Variants in NAP1L1 observed in about 807,000 individuals in gnomAD.
The protein encoded by NAP1L1 is nucleosome assembly protein 1 like 1.
Under a neutral mutation model 58.9 loss-of-function variants are expected in NAP1L1, and 9 were observed. The ratio of observed to expected loss-of-function variants is 0.15; its 90% CI spans 0.09 to 0.27. The LOEUF (loss-of-function observed/expected upper bound fraction) is 0.27, where lower values mean the gene tolerates loss of function less well. NAP1L1 is among the 10% of genes least tolerant of loss of function. NAP1L1 has a pLI of 1.00. For missense variants in NAP1L1, 302 were observed against 458.8 expected, an observed-to-expected ratio of 0.66 and a Z score of 3.12; for synonymous variants, 130 against 138.3, an observed-to-expected ratio of 0.94 and a Z score of 0.42.
intron 1 of NAP1L1, among the ~76,000 whole-genome samples, chr12:76,077,920 C>T (rs1319904581): frequency 1.5e-5 from 2 of 136,916 alleles, no homozygotes; most frequent in African/African-American, 5.5e-5. Flanking sequence ...GAGGAGGAGG[C>T]TGCAGTGAGC....
chr12:76,073,001 G>T (rs559157118), intron 2 of NAP1L1, among the ~76,000 whole-genome samples: 2 of 152,174 alleles, frequency 1.3e-5, no homozygotes, highest in Non-Finnish European at 2.9e-5. Context: ...TAGTAAAATA[G>T]ATCCAATGAC....
At chr12:76,074,424 C>T (rs1019082601) in intron 1 of NAP1L1, 185 bp from the exon 2 acceptor site, 210 of 914,030 alleles carry the variant, frequency 2.3e-4, no homozygotes, top group Non-Finnish European at 2.7e-4. Context: ...CTTACTAGTA[C>T]CAAAAATAAT....
intron 13 of NAP1L1, 55 bp from the exon 14 acceptor site, chr12:76,049,305 C>G: frequency 6.2e-7 from 1 of 1,611,172 alleles, no homozygotes; most frequent in Non-Finnish European, 8.5e-7. Context: ...GGTAAACTGG[C>G]TCATAATGTA....
At chr12:76,067,649 T>G (rs1949744285) in intron 3 of NAP1L1, 176 bp from the exon 4 acceptor site, 1 of 495,262 alleles carries the variant, frequency 2.0e-6, no homozygotes, top group South Asian at 3.3e-5. Flanking sequence ...AAACCCAATG[T>G]TCAGGAATAA....
rs1271368951 is a variant in NAP1L1 at position 76,059,954 on chromosome 12, A to C, written c.349-76T>G. The C allele has an allele frequency of 3.1e-6, 4 of 1,298,352 alleles. No homozygotes were observed. In the African/African-American group the frequency reaches 4.5e-5, roughly 15 times the overall value. 80.4% of individuals were successfully genotyped at this position (1,298,352 alleles called of 1,614,324 possible). ...TAAAACCAGTGGTTTCTCACTAAGA[A>C]GTCTTACAAATTTAACAAATGCATA... On this transcript the variant is annotated intron_variant, in intron 5 of 14. Transcript: ENST00000618691.
chr12:76,052,190 C>T (rs7974211), intron 11 of NAP1L1, among the ~76,000 whole-genome samples: 31 of 151,976 alleles, frequency 2.0e-4, no homozygotes, highest in African/African-American at 7.3e-4. Flanking sequence ...GGAATTCAAA[C>T]CACAGGTGGA....
intron 1 of NAP1L1, among the ~76,000 whole-genome samples, chr12:76,079,589 G>A (rs1268776598): frequency 2.0e-5 from 3 of 151,706 alleles, no homozygotes. Context: ...AAAACATTAA[G>A]ATAAAAAGGT....
intron 2 of NAP1L1, 46 bp from the exon 3 acceptor site, chr12:76,069,040 CA>C (rs777692378): frequency 1.1e-5 from 15 of 1,342,632 alleles, no homozygotes; most frequent in South Asian, 5.1e-5. Flanking sequence ...TACCAATTAC[CA>C]AAAAAAGTTA....
chr12:76,067,151 T>C (rs1949716215), intron 4 of NAP1L1, among the ~76,000 whole-genome samples: 1 of 152,096 alleles, frequency 6.6e-6, no homozygotes, highest in Admixed American at 6.6e-5. Context: ...TCAAGATCAG[T>C]ACACTTCCTA....
At chr12:76,058,387 C>CTT (rs34510500) in intron 6 of NAP1L1, among the ~76,000 whole-genome samples, 5 of 133,192 alleles carry the variant, frequency 3.8e-5, no homozygotes, top group Non-Finnish European at 6.5e-5. Context: ...TTATTTGGTA[C>CTT]TTTTTTTTTT....
At position 76,048,379 on chromosome 12, in the gene NAP1L1, G is replaced by A. The variant is rs1182260656; in HGVS notation, c.*50C>T. On this transcript the variant is annotated 3_prime_UTR_variant, in exon 15 of 15. Coordinates refer to ENST00000618691, the MANE Select transcript of NAP1L1 (RefSeq NM_004537.7). ...AAGGCTGTAAGTAAATAAGAGTTGT[G>A]TTTAGGCTATTACAGTGCAGGTTAT... is the stretch of plus-strand genomic sequence containing the variant. 9 of 1,595,852 alleles carry A rather than the reference G, an allele frequency of 5.6e-6. No homozygotes were observed. Among genetic ancestry groups the A allele is most frequent in the Non-Finnish European group, 6.9e-6 (8 of 1,166,280 alleles).
chr12:76,077,136 C>T (rs1273394517), intron 1 of NAP1L1, among the ~76,000 whole-genome samples: 2 of 152,192 alleles, frequency 1.3e-5, no homozygotes, highest in East Asian at 3.8e-4. Flanking sequence ...AATGGCTACA[C>T]TGCTAACCTC....
At chr12:76,059,948 C>A in intron 5 of NAP1L1, 70 bp from the exon 6 acceptor site, 1 of 1,320,584 alleles carries the variant, frequency 7.6e-7, no homozygotes, top group Non-Finnish European at 1.1e-6. Flanking sequence ...TGGTTTCTCA[C>A]TAAGAAGTCT....
chr12:76,064,982 C>T (rs1259196950), intron 4 of NAP1L1, among the ~76,000 whole-genome samples: 1 of 152,044 alleles, frequency 6.6e-6, no homozygotes, highest in African/African-American at 2.4e-5. Context: ...ACTCCAAAAA[C>T]CAGTTAAATA....
chr12:76,070,395 AC>A (rs1339233992), intron 2 of NAP1L1, among the ~76,000 whole-genome samples: 2 of 152,218 alleles, frequency 1.3e-5, no homozygotes, highest in African/African-American at 4.8e-5. Context: ...GGCATAAGCC[AC>A]CACGCCCAGC....
At chr12:76,049,576 A>T in intron 13 of NAP1L1, 180 bp downstream of exon 13, 1 of 1,528,350 alleles carries the variant, frequency 6.5e-7, no homozygotes, top group Non-Finnish European at 8.8e-7. Flanking sequence ...TGAGTTTTGC[A>T]ATTTATTTAT....
At chr12:76,062,452 C>T (rs189065539) in intron 4 of NAP1L1, among the ~76,000 whole-genome samples, 1 of 152,048 alleles carries the variant, frequency 6.6e-6, no homozygotes, top group Non-Finnish European at 1.5e-5. Context: ...TTCAAGGGTA[C>T]AATTTCTATG....
intron 4 of NAP1L1, among the ~76,000 whole-genome samples, chr12:76,061,768 A>C (rs890137879): frequency 3.3e-5 from 5 of 152,246 alleles, no homozygotes; most frequent in African/African-American, 7.2e-5. Flanking sequence ...CAGTTTACTT[A>C]AGATTATTAG....
At position 76,044,607 on chromosome 12, in the gene NAP1L1, C is replaced by CA. The variant is rs566670249; in HGVS notation, c.*3821dup. 8 of 152,214 alleles carry CA rather than the reference C, an allele frequency of 5.3e-5. No individual in the cohort carries two copies. In the East Asian group the frequency reaches 1.5e-3, roughly 29 times the overall value. 9.4% of individuals were successfully genotyped at this position (152,214 alleles called of 1,614,324 possible). A position where few individuals can be genotyped will look rare whatever the true frequency, so the allele number is the denominator to read the frequency against. ...TAAGTAGAAGATGTGTTTAATACTCCAATAAACTCATAAAGCTGAAGTCTT... is the reference window on the plus strand; with the variant it reads ...TAAGTAGAAGATGTGTTTAATACTCCAAATAAACTCATAAAGCTGAAGTCTT... On this transcript the variant is annotated 3_prime_UTR_variant, in exon 15 of 15. Coordinates refer to ENST00000618691, the MANE Select transcript of NAP1L1 (RefSeq NM_004537.7).
Sources: allele counts gnomAD v4.1 joint callset (sites outside exome capture counted in the v4.1 genomes callset), GRCh38; gene constraint gnomAD v4.1.1; transcripts MANE v1.5; gene names NCBI Gene and HGNC (gene_info 2026-07-23, HGNC 2026-07-21).